Variants in ADD1 observed in about 807,000 individuals in gnomAD.
ADD1 encodes the protein alpha-adducin.
Under a neutral mutation model 80.5 loss-of-function variants are expected in ADD1, and 24 were observed. The observed-to-expected ratio is 0.30, with a 90% CI of 0.22 to 0.42. The LOEUF (loss-of-function observed/expected upper bound fraction) is 0.42, where lower values mean the gene tolerates loss of function less well. Among genes scored for constraint, ADD1 ranks in the 10% least tolerant of loss-of-function variants. ADD1 has a pLI of 1.00. For missense variants in ADD1, 948 were observed against 1,019.0 expected (o/e 0.93, Z 0.95); for synonymous variants, 373 against 393.8 (o/e 0.95, Z 0.63).
At chr4:2,876,347 C>T (rs16843523) in intron 2 of ADD1, 75,215 of 357,084 alleles carry the variant, frequency 0.21, 9,315 homozygotes, top group East Asian at 0.52. Context: ...CCTTTTTACT[C>T]TTGTGACTTT....
Position 2,894,699 on chromosome 4 carries a change from G to A in ADD1, c.709G>A (p.Val237Ile), listed in dbSNP as rs140019569. ...TGCTGCACGCCCGGACGTGAAGTGC[G>A]TCGTGCACATTCACACCCCAGCAGG... Reference protein sequence around the residue: ...IYAARPDVKCVVHIHTPAGAA... With the variant: ...IYAARPDVKCIVHIHTPAGAA... Residue 237 changes from valine to isoleucine, a missense_variant, in exon 6 of 16, where the codon GTC becomes ATC. Val to Ile is a conservative substitution (Grantham distance 29). Coordinates refer to ENST00000683351, the MANE Select transcript of ADD1 (RefSeq NM_001354761.2). The A allele has an allele frequency of 4.2e-5, 68 of 1,602,934 alleles. No homozygotes were observed. In the African/African-American group the frequency reaches 8.1e-4, roughly 19 times the overall value.
At chr4:2,901,862 A>T (rs1736244625) in intron 9 of ADD1, 1 of 149,014 alleles carries the variant, frequency 6.7e-6, no homozygotes. Flanking sequence ...CCCCCCCAAA[A>T]AAAATCAAGA....
intron 1 of ADD1, among the ~76,000 whole-genome samples, chr4:2,852,216 T>TCTTTCCTTTCTTTC: frequency 1.1e-5 from 1 of 94,828 alleles, no homozygotes; most frequent in African/African-American, 3.9e-5. Flanking sequence ...TCCTTTCCTT[T>TCTTTCCTTTCTTTC]CTTTCCTTTC....
chr4:2,852,904 C>T (rs1430918866), intron 1 of ADD1, among the ~76,000 whole-genome samples: 1 of 151,266 alleles, frequency 6.6e-6, no homozygotes, highest in African/African-American at 2.4e-5. Context: ...CAAGGCCTTG[C>T]TATGTTGCCC....
intron 3 of ADD1, among the ~76,000 whole-genome samples, chr4:2,883,766 G>T (rs1356974351): frequency 6.6e-6 from 1 of 151,952 alleles, no homozygotes; most frequent in Non-Finnish European, 1.5e-5. Flanking sequence ...CCGCCTCCTG[G>T]GTTCACGCCA....
chr4:2,915,846 T>A (rs548346410), intron 14 of ADD1, among the ~76,000 whole-genome samples: 1 of 151,836 alleles, frequency 6.6e-6, no homozygotes, highest in East Asian at 1.9e-4. Context: ...CACTTGTGAG[T>A]GGCCCTGGCT....
chr4:2,891,362 G>T (rs578137329), intron 4 of ADD1, among the ~76,000 whole-genome samples: 1 of 151,980 alleles, frequency 6.6e-6, no homozygotes, highest in Non-Finnish European at 1.5e-5. Context: ...CAGGAGAATC[G>T]CTTGAACCCG....
rs762195354 is a variant in ADD1, at chr4:2,852,277, C to CT, written c.-21+8253_-21+8254insT. Among the ~76,000 whole-genome samples the CT allele has an allele frequency of 4.0e-4, 46 of 116,420 alleles. 1 individual carries two copies. The highest frequency in any genetic ancestry group is 5.3e-4 in the African/African-American group (16 of 29,966). The allele number at this position is 116,420 out of a possible 152,430, so 76.4% of individuals were successfully genotyped here. A position where few individuals can be genotyped will look rare whatever the true frequency, so the allele number is the denominator to read the frequency against. On this transcript the variant is annotated intron_variant, in intron 1 of 15. Coordinates refer to ENST00000683351, the MANE Select transcript of ADD1 (RefSeq NM_001354761.2). ...TCTTTCTTTCCTTCCTTCCTTCCTTCCTTCTTTTCTTTTCTTTTCTTTTCT... is the reference window on the plus strand; with the variant it reads ...TCTTTCTTTCCTTCCTTCCTTCCTTCTCTTCTTTTCTTTTCTTTTCTTTTCT...
At chr4:2,850,957 A>T (rs1463546930) in intron 1 of ADD1, among the ~76,000 whole-genome samples, 1 of 152,208 alleles carries the variant, frequency 6.6e-6, no homozygotes, top group African/African-American at 2.4e-5. Flanking sequence ...ATGAGGAATG[A>T]CTGCTAATGT....
intron 4 of ADD1, among the ~76,000 whole-genome samples, chr4:2,893,337 C>T (rs1734627235): frequency 6.6e-6 from 1 of 151,760 alleles, no homozygotes; most frequent in Non-Finnish European, 1.5e-5. Flanking sequence ...TGGCCAGGCA[C>T]AGTGGCTCAT....
At chr4:2,919,288 A>G (rs561092675) in intron 14 of ADD1, among the ~76,000 whole-genome samples, 1 of 152,232 alleles carries the variant, frequency 6.6e-6, no homozygotes, top group African/African-American at 2.4e-5. Context: ...TTGGCCTGAA[A>G]TTTTCTTTTT....
At chr4:2,855,811 C>T (rs558600039) in intron 1 of ADD1, among the ~76,000 whole-genome samples, 2 of 151,754 alleles carry the variant, frequency 1.3e-5, no homozygotes, top group East Asian at 3.9e-4. Flanking sequence ...AGTGATCCTC[C>T]CACTTCAGCC....
chr4:2,883,514 T>G (rs766788678), intron 3 of ADD1, among the ~76,000 whole-genome samples: 3 of 152,012 alleles, frequency 2.0e-5, no homozygotes, highest in Non-Finnish European at 4.4e-5. Flanking sequence ...AATTATGTTT[T>G]TTTGTTTGTT....
intron 1 of ADD1, among the ~76,000 whole-genome samples, chr4:2,845,418 C>G (rs1339978861): frequency 6.6e-6 from 1 of 152,150 alleles, no homozygotes; most frequent in Admixed American, 6.5e-5. Context: ...GTGGAGAAAA[C>G]TAGAATAGTA....
intron 14 of ADD1, among the ~76,000 whole-genome samples, chr4:2,918,126 T>A (rs1219143784): frequency 6.6e-6 from 1 of 152,264 alleles, no homozygotes; most frequent in Non-Finnish European, 1.5e-5. Context: ...TATGGCCGTT[T>A]TCACAATACT....
chr4:2,898,547 T>G lies in ADD1; in HGVS notation c.984+16T>G, dbSNP rs1577626821. 6.2e-7 allele frequency: 1 copy of G among 1,602,406 alleles called. No individual in the cohort carries two copies. The highest frequency in any genetic ancestry group is 8.6e-7 in the Non-Finnish European group (1 of 1,169,372). ...TGAGATCCAGGTAGGGGACAGCCAT[T>G]CCAGTCACTCTGCAGTTTATTTAGA... On this transcript the variant is annotated intron_variant, in intron 8 of 15. Coordinates refer to ENST00000683351, the MANE Select transcript of ADD1 (RefSeq NM_001354761.2).
chr4:2,877,353 G>A (rs1452854725), intron 2 of ADD1, among the ~76,000 whole-genome samples: 1 of 151,928 alleles, frequency 6.6e-6, no homozygotes, highest in Admixed American at 6.6e-5. Flanking sequence ...AAGGAACTGG[G>A]CATTTAGCAG....
chr4:2,844,195 C>T (rs1004535698), intron 1 of ADD1, 171 bp downstream of exon 1: 4 of 151,876 alleles, frequency 2.6e-5, no homozygotes, highest in Non-Finnish European at 4.4e-5. Context: ...TTGGAGGGGT[C>T]CCCGCGGGGC....
intron 4 of ADD1, among the ~76,000 whole-genome samples, chr4:2,887,303 C>G (rs1473751774): frequency 6.6e-6 from 1 of 152,184 alleles, no homozygotes; most frequent in African/African-American, 2.4e-5. Flanking sequence ...CAAAAAGTGA[C>G]AGCAGGTCAT....
Sources: gnomAD v4.1 joint callset for allele counts (sites outside exome capture counted in the v4.1 genomes callset) on GRCh38, gnomAD v4.1.1 for gene constraint, MANE v1.5 for transcripts, NCBI Gene and HGNC (gene_info 2026-07-23, HGNC 2026-07-21) for gene names.